TIAM1: variants seen among roughly 807,000 people sequenced by gnomAD.
The protein encoded by TIAM1 is rho guanine nucleotide exchange factor TIAM1.
TIAM1 carries 65 observed loss-of-function variants against 163.5 expected under a neutral mutation model. That is an observed-to-expected ratio of 0.40 (90% CI 0.33 to 0.49). The LOEUF is 0.49. Among genes scored for constraint, TIAM1 ranks in the 20% least tolerant of loss-of-function variants. The pLI, the probability that TIAM1 is intolerant of heterozygous loss-of-function variation, is 0.77. For missense variants in TIAM1, 1,789 were observed against 2,044.7 expected (o/e 0.87, Z 2.41); for synonymous variants, 833 against 810.1 (o/e 1.03, Z -0.48).
At chr21:31,506,671 A>G (rs2047038979) in intron 1 of TIAM1, among the ~76,000 whole-genome samples, 1 of 152,158 alleles carries the variant, frequency 6.6e-6, no homozygotes, top group South Asian at 2.1e-4. Flanking sequence ...TAATCCCAGC[A>G]CTTTGGGAGG....
chr21:31,387,101 C>G (rs961463669), intron 2 of TIAM1, among the ~76,000 whole-genome samples: 1 of 151,966 alleles, frequency 6.6e-6, no homozygotes, highest in Non-Finnish European at 1.5e-5. Context: ...GTGGCTACAG[C>G]CTTCTCTTTT....
rs995339688 is a variant in TIAM1 at position 31,283,636 on chromosome 21, C to T, written c.-188-6728G>A. ...CTCTGCTCACTGCAACCTCTGCCTC[C>T]GGGATTCAAGCAATTCTCCTGCCTC... On this transcript the variant is annotated intron_variant, in intron 2 of 27. Coordinates refer to ENST00000541036, the MANE Select transcript of TIAM1 (RefSeq NM_001353694.2). Among the ~76,000 whole-genome samples the T allele has an allele frequency of 2.6e-5, 4 of 152,070 alleles. No homozygotes were observed. In the South Asian group the frequency reaches 8.3e-4, roughly 32 times the overall value.
intron 1 of TIAM1, among the ~76,000 whole-genome samples, chr21:31,525,423 C>T (rs1323033049): frequency 1.3e-5 from 2 of 151,914 alleles, no homozygotes; most frequent in Admixed American, 1.3e-4. Flanking sequence ...GAACTCGCTC[C>T]TTGTGAGAAT....
chr21:31,125,917 C>T (rs2082180835), intron 26 of TIAM1, among the ~76,000 whole-genome samples: 1 of 152,226 alleles, frequency 6.6e-6, no homozygotes, highest in Non-Finnish European at 1.5e-5. Context: ...AGTACCATCT[C>T]TAAGCCTTGC....
At chr21:31,556,148 C>G (rs914201491) in intron 1 of TIAM1, among the ~76,000 whole-genome samples, 11 of 152,136 alleles carry the variant, frequency 7.2e-5, no homozygotes, top group Non-Finnish European at 1.2e-4. Flanking sequence ...GGGAAAGAGG[C>G]CTTCAGCATC....
At chr21:31,267,548 C>G (rs1225937834) in intron 3 of TIAM1, among the ~76,000 whole-genome samples, 3 of 133,100 alleles carry the variant, frequency 2.3e-5, no homozygotes, top group Admixed American at 7.8e-5. Context: ...TATTTGAGCT[C>G]TAATGATACT....
intron 3 of TIAM1, among the ~76,000 whole-genome samples, chr21:31,269,351 G>A (rs1601773363): frequency 6.6e-6 from 1 of 152,330 alleles, no homozygotes; most frequent in African/African-American, 2.4e-5. Flanking sequence ...AATGTAGAGA[G>A]GAATGCCAAA....
At chr21:31,258,813 CAAAA>C (rs34060979) in intron 4 of TIAM1, among the ~76,000 whole-genome samples, 3 of 141,478 alleles carry the variant, frequency 2.1e-5, no homozygotes, top group Admixed American at 6.9e-5. Context: ...GACTCCGTCT[CAAAA>C]AAAAAAAAAA....
chr21:31,138,529 G>A (rs1047476459), intron 22 of TIAM1, among the ~76,000 whole-genome samples: 1 of 152,190 alleles, frequency 6.6e-6, no homozygotes, highest in African/African-American at 2.4e-5. Context: ...CAAGGATCAG[G>A]AATTACTTTT....
chr21:31,349,561 CAAT>C (rs749734231), intron 2 of TIAM1, among the ~76,000 whole-genome samples: 33 of 152,130 alleles, frequency 2.2e-4, no homozygotes, highest in Admixed American at 1.3e-4. Context: ...CAGCAATAAA[CAAT>C]AATAATTGTT....
At chr21:31,202,577 CAAAATA>C (rs1019557521) in intron 12 of TIAM1, among the ~76,000 whole-genome samples, 3 of 151,838 alleles carry the variant, frequency 2.0e-5, no homozygotes, top group African/African-American at 7.3e-5. Flanking sequence ...CTCTAAACAA[CAAAATA>C]AAAATACTAA....
At chr21:31,413,535 G>T (rs1332111050) in intron 2 of TIAM1, among the ~76,000 whole-genome samples, 1 of 151,940 alleles carries the variant, frequency 6.6e-6, no homozygotes, top group African/African-American at 2.4e-5. Flanking sequence ...CTCCCAAAGT[G>T]CTGGGATTAT....
chr21:31,523,188 G>A (rs865988475), intron 1 of TIAM1, among the ~76,000 whole-genome samples: 3 of 152,160 alleles, frequency 2.0e-5, no homozygotes, highest in Middle Eastern at 3.4e-3. Context: ...CATTACAAAC[G>A]GTATCAAAGT....
chr21:31,229,816 C>A (rs1301458147), intron 6 of TIAM1, among the ~76,000 whole-genome samples: 1 of 152,144 alleles, frequency 6.6e-6, no homozygotes, highest in Non-Finnish European at 1.5e-5. Flanking sequence ...CCATGCCCAG[C>A]TAATTTTTGT....
At chr21:31,214,033 A>G (rs2087033827) in intron 9 of TIAM1, among the ~76,000 whole-genome samples, 1 of 151,952 alleles carries the variant, frequency 6.6e-6, no homozygotes, top group African/African-American at 2.4e-5. Flanking sequence ...GTAAAAAGAG[A>G]AAGACAATAG....
intron 22 of TIAM1, 63 bp from the exon 23 acceptor site, chr21:31,136,104 T>C (rs930047686): frequency 1.8e-5 from 25 of 1,394,556 alleles, no homozygotes; most frequent in Non-Finnish European, 2.3e-5. Flanking sequence ...ATTTTCATGA[T>C]GTTTGAAAAT....
chr21:31,318,674 TC>T (rs1300695555), intron 2 of TIAM1, among the ~76,000 whole-genome samples: 2 of 152,198 alleles, frequency 1.3e-5, no homozygotes. Context: ...TGGAAATAGT[TC>T]TTTTTGGCTT....
At chr21:31,305,436 A>C (rs541725901) in intron 2 of TIAM1, among the ~76,000 whole-genome samples, 32 of 152,188 alleles carry the variant, frequency 2.1e-4, no homozygotes, top group Non-Finnish European at 4.1e-4. Flanking sequence ...AAAAAAAAAA[A>C]AACAGTTCTT....
At chr21:31,540,952 C>T (rs2048306437) in intron 1 of TIAM1, among the ~76,000 whole-genome samples, 1 of 152,120 alleles carries the variant, frequency 6.6e-6, no homozygotes, top group Non-Finnish European at 1.5e-5. Context: ...TGTGGTGAGT[C>T]CAATATACTT....
Sources: gnomAD v4.1 joint callset for allele counts (sites outside exome capture counted in the v4.1 genomes callset) on GRCh38, gnomAD v4.1.1 for gene constraint, MANE v1.5 for transcripts, NCBI Gene and HGNC (gene_info 2026-07-23, HGNC 2026-07-21) for gene names.